TTC29: variants seen among roughly 807,000 people sequenced by gnomAD.
TTC29 encodes the protein tetratricopeptide repeat domain 29.
Under a neutral mutation model 58.1 loss-of-function variants are expected in TTC29, and 49 were observed. The ratio of observed to expected loss-of-function variants is 0.84; its 90% CI spans 0.67 to 1.07. TTC29 has a LOEUF of 1.07. Ranked by LOEUF, TTC29 falls within the 50% of genes least tolerant of loss-of-function variation. TTC29 has a pLI of 0.00. For missense variants in TTC29, 582 were observed against 555.6 expected, an observed-to-expected ratio of 1.05 and a Z score of -0.48; for synonymous variants, 209 against 196.8, an observed-to-expected ratio of 1.06 and a Z score of -0.52.
At chr4:146,788,535 C>T (rs970364178) in intron 11 of TTC29, among the ~76,000 whole-genome samples, 3 of 151,876 alleles carry the variant, frequency 2.0e-5, no homozygotes, top group Non-Finnish European at 4.4e-5. Flanking sequence ...TCCTGTGTTT[C>T]GTTTTAAAAC....
intron 9 of TTC29, among the ~76,000 whole-genome samples, chr4:146,829,556 T>C (rs577347674): frequency 5.9e-5 from 9 of 152,326 alleles, no homozygotes; most frequent in South Asian, 2.1e-4. Context: ...TTAATAGATA[T>C]GTTTTGATGT....
At chr4:146,803,067 C>T (rs910384463) in intron 11 of TTC29, among the ~76,000 whole-genome samples, 4 of 152,002 alleles carry the variant, frequency 2.6e-5, no homozygotes, top group African/African-American at 4.8e-5. Flanking sequence ...GTAAAGTAAG[C>T]GCATAAAACA....
intron 11 of TTC29, among the ~76,000 whole-genome samples, chr4:146,753,487 G>T (rs1053755176): frequency 6.6e-6 from 1 of 152,054 alleles, no homozygotes; most frequent in African/African-American, 2.4e-5. Flanking sequence ...TGTGGAATTC[G>T]GTGTGGCGAT....
intron 4 of TTC29, among the ~76,000 whole-genome samples, chr4:146,915,851 TA>T (rs1381070459): frequency 2.0e-5 from 3 of 151,860 alleles, no homozygotes; most frequent in African/African-American, 7.2e-5. Context: ...AGCGGTTCAA[TA>T]AAAAAACCGT....
In TTC29 at chr4:146,803,633, A is replaced by T; in HGVS notation, c.1154T>A (p.Val385Glu). 1 of 1,607,078 alleles carries T rather than the reference A, an allele frequency of 6.2e-7. No individual in the cohort carries two copies. The highest frequency in any genetic ancestry group is 8.5e-7 in the Non-Finnish European group (1 of 1,175,706). Residue 385 changes from valine to glutamate, a missense_variant, in exon 11 of 13, where the codon GTA (valine) becomes GAA (glutamate). Val to Glu is a moderately radical substitution (Grantham distance 121, BLOSUM62 -2). Coordinates refer to ENST00000325106, the MANE Select transcript of TTC29 (RefSeq NM_031956.4). ...ECFQQAFDTT[V>E]ELMSMPLMDE... ...CATCAGAGGCATGCTCATTAGCTCT[A>T]CTGTTGTGTCAAAAGCTTGCTGAAA...
At chr4:146,871,016 CA>C (rs1018027586) in intron 7 of TTC29, among the ~76,000 whole-genome samples, 10 of 151,882 alleles carry the variant, frequency 6.6e-5, no homozygotes, top group African/African-American at 2.2e-4. Flanking sequence ...GACATCAAAC[CA>C]AAGACATTAC....
At chr4:146,751,928 ACAAACTCTCAG>A (rs1473043485) in intron 11 of TTC29, among the ~76,000 whole-genome samples, 1 of 152,164 alleles carries the variant, frequency 6.6e-6, no homozygotes, top group African/African-American at 2.4e-5. Flanking sequence ...AACAAAATTG[ACAAACTCTCAG>A]CTAGTCTAAG....
At chr4:146,923,531 G>A (rs1734734224) in intron 4 of TTC29, among the ~76,000 whole-genome samples, 1 of 151,704 alleles carries the variant, frequency 6.6e-6, no homozygotes, top group Admixed American at 6.6e-5. Flanking sequence ...CTTTATCTTG[G>A]TAACGTGTAT....
intron 1 of TTC29, 80 bp from the exon 2 acceptor site, chr4:146,945,157 C>G (rs1736812191): frequency 6.6e-6 from 1 of 152,134 alleles, no homozygotes; most frequent in South Asian, 2.1e-4. Context: ...CTCCCCGCTC[C>G]AAGTCATGGA....
intron 10 of TTC29, among the ~76,000 whole-genome samples, chr4:146,818,833 G>A (rs1371395022): frequency 6.6e-6 from 1 of 151,236 alleles, no homozygotes; most frequent in Non-Finnish European, 1.5e-5. Flanking sequence ...CTATCGCAAG[G>A]ACAAAAAACC....
chr4:146,891,762 T>C (rs991352627), intron 6 of TTC29, among the ~76,000 whole-genome samples: 3 of 152,158 alleles, frequency 2.0e-5, no homozygotes, highest in Non-Finnish European at 2.9e-5. Context: ...AGCACGAGTG[T>C]CTTGGGACAT....
chr4:146,820,761 G>A (rs1014058078), intron 9 of TTC29, among the ~76,000 whole-genome samples: 11 of 152,132 alleles, frequency 7.2e-5, no homozygotes, highest in African/African-American at 1.9e-4. Flanking sequence ...GGCTGGGCAC[G>A]GTGGCTCATG....
At chr4:146,818,375 C>T (rs1751570399) in intron 10 of TTC29, among the ~76,000 whole-genome samples, 1 of 152,192 alleles carries the variant, frequency 6.6e-6, no homozygotes, top group Non-Finnish European at 1.5e-5. Context: ...AAATCAAAAC[C>T]ACAATGAGAT....
chr4:146,839,509 C>G (rs1329354830), intron 8 of TTC29, among the ~76,000 whole-genome samples: 1 of 150,184 alleles, frequency 6.7e-6, no homozygotes, highest in East Asian at 1.9e-4. Context: ...TGGCCTTATT[C>G]AGATTTCACC....
intron 11 of TTC29, among the ~76,000 whole-genome samples, chr4:146,782,584 TG>T (rs956505095): frequency 6.6e-6 from 1 of 151,926 alleles, no homozygotes; most frequent in Non-Finnish European, 1.5e-5. Flanking sequence ...TCATTGTTTT[TG>T]TTTAGTAAGA....
intron 11 of TTC29, among the ~76,000 whole-genome samples, chr4:146,753,595 A>T (rs1196470975): frequency 6.6e-6 from 1 of 152,228 alleles, no homozygotes; most frequent in Non-Finnish European, 1.5e-5. Context: ...CTATAAAGAC[A>T]CATGCACACA....
At chr4:146,916,993 G>A (rs1236769671) in intron 4 of TTC29, among the ~76,000 whole-genome samples, 2 of 151,130 alleles carry the variant, frequency 1.3e-5, no homozygotes, top group African/African-American at 4.8e-5. Flanking sequence ...CATATTTAAT[G>A]AGAAATTTTT....
At chr4:146,842,564 AC>A (rs75072016) in intron 8 of TTC29, among the ~76,000 whole-genome samples, 6,413 of 152,132 alleles carry the variant, frequency 0.042, 198 homozygotes, top group East Asian at 0.13. Context: ...GTTTAAATAA[AC>A]CCACCTAGAT....
chr4:146,825,944 A>ATTTT lies in TTC29; in HGVS notation c.978-5697_978-5696insAAAA, dbSNP rs747122709. ...TGCAACCCCTGCTTTTTTTTTTAAA[A>ATTTT]AAATTTCCATTTGCTTGGTAAATTT... is the stretch of plus-strand genomic sequence containing the variant. On this transcript the variant is annotated intron_variant, in intron 9 of 12. Coordinates refer to ENST00000325106, the MANE Select transcript of TTC29 (RefSeq NM_031956.4). Among the ~76,000 whole-genome samples, 222 of 149,092 alleles carry ATTTT rather than the reference A, an allele frequency of 1.5e-3. 1 individual carries two copies. Among genetic ancestry groups the ATTTT allele is most frequent in the African/African-American group, 5.1e-3 (201 of 39,736 alleles).
Sources: allele counts gnomAD v4.1 joint callset (sites outside exome capture counted in the v4.1 genomes callset), GRCh38; gene constraint gnomAD v4.1.1; transcripts MANE v1.5; gene names NCBI Gene and HGNC (gene_info 2026-07-23, HGNC 2026-07-21).